CTNNA2: variants seen among roughly 807,000 people sequenced by gnomAD.
CTNNA2 encodes catenin alpha 2.
CTNNA2 carries 42 observed loss-of-function variants against 101.0 expected under a neutral mutation model. The ratio of observed to expected loss-of-function variants is 0.42; its 90% CI spans 0.32 to 0.54. The LOEUF is 0.54. Among genes scored for constraint, CTNNA2 ranks in the 20% least tolerant of loss-of-function variants. The probability of loss-of-function intolerance (pLI) is 0.14; values close to 1 mark genes in which losing one functional copy is unlikely to be tolerated. For missense variants in CTNNA2, 871 were observed against 1,223.1 expected (o/e 0.71, Z 4.29); for synonymous variants, 450 against 456.4 (o/e 0.99, Z 0.18).
intron 18 of CTNNA2, among the ~76,000 whole-genome samples, chr2:80,624,561 G>A (rs1671478209): frequency 6.6e-6 from 1 of 151,962 alleles, no homozygotes; most frequent in South Asian, 2.1e-4. Context: ...GTGAGTCTTA[G>A]TTCACAGCAA....
intron 9 of CTNNA2, among the ~76,000 whole-genome samples, chr2:80,482,751 T>A (rs1414503601): frequency 6.6e-6 from 1 of 152,176 alleles, no homozygotes; most frequent in Non-Finnish European, 1.5e-5. Context: ...ATCAGGAGAT[T>A]TTTTACATAC....
chr2:79,545,955 T>G (rs1673705937), intron 1 of CTNNA2, among the ~76,000 whole-genome samples: 2 of 152,168 alleles, frequency 1.3e-5, no homozygotes, highest in South Asian at 4.1e-4. Flanking sequence ...AGTACTACTA[T>G]TATCTCAGTT....
At chr2:79,710,541 G>A (rs1183632873) in intron 2 of CTNNA2, among the ~76,000 whole-genome samples, 1 of 152,148 alleles carries the variant, frequency 6.6e-6, no homozygotes, top group East Asian at 1.9e-4. Flanking sequence ...TGTTTCGAGT[G>A]GTGGGAGACA....
chr2:80,458,709 C>T (rs1356286753), intron 9 of CTNNA2, among the ~76,000 whole-genome samples: 2 of 152,184 alleles, frequency 1.3e-5, no homozygotes, highest in Non-Finnish European at 2.9e-5. Context: ...TTCAACCACA[C>T]ACCAAAAGCT....
chr2:80,324,534 A>G (rs1308975324), intron 7 of CTNNA2, among the ~76,000 whole-genome samples: 1 of 152,236 alleles, frequency 6.6e-6, no homozygotes, highest in Admixed American at 6.5e-5. Flanking sequence ...TTCATGTAAA[A>G]AGGTTTGGAG....
intron 1 of CTNNA2, among the ~76,000 whole-genome samples, chr2:79,560,272 T>C (rs1262129258): frequency 6.6e-6 from 1 of 151,268 alleles, no homozygotes; most frequent in Non-Finnish European, 1.5e-5. Context: ...GAAATGGAGA[T>C]GGAAAAAGAT....
At chr2:80,319,218 C>A (rs1678440851) in intron 7 of CTNNA2, among the ~76,000 whole-genome samples, 1 of 152,150 alleles carries the variant, frequency 6.6e-6, no homozygotes, top group Non-Finnish European at 1.5e-5. Flanking sequence ...AATTTAAATT[C>A]ATCAACTACT....
At chr2:79,380,172 C>T (rs1678023524) in intron 4 of CTNNA2, among the ~76,000 whole-genome samples, 1 of 152,032 alleles carries the variant, frequency 6.6e-6, no homozygotes, top group South Asian at 2.1e-4. Flanking sequence ...GCCTCCCAGG[C>T]ACTTGTGCCT....
chr2:80,398,031 A>C (rs1253859603), intron 8 of CTNNA2, among the ~76,000 whole-genome samples: 1 of 152,174 alleles, frequency 6.6e-6, no homozygotes, highest in African/African-American at 2.4e-5. Context: ...GAAAGAAAAA[A>C]CACAACTATA....
chr2:79,844,572 T>C (rs190686904), intron 3 of CTNNA2, among the ~76,000 whole-genome samples: 1 of 152,288 alleles, frequency 6.6e-6, no homozygotes, highest in Non-Finnish European at 1.5e-5. Flanking sequence ...CGTTTATTAC[T>C]GTACATCTCC....
At chr2:80,309,862 C>A (rs1677381078) in intron 7 of CTNNA2, among the ~76,000 whole-genome samples, 1 of 135,724 alleles carries the variant, frequency 7.4e-6, no homozygotes, top group African/African-American at 2.8e-5. Context: ...ACCCAGCTAC[C>A]ACATCTCAAA....
At chr2:79,873,242 T>G (rs1682724193) in intron 5 of CTNNA2, among the ~76,000 whole-genome samples, 1 of 151,982 alleles carries the variant, frequency 6.6e-6, no homozygotes, top group South Asian at 2.1e-4. Context: ...TTCTGTCTGT[T>G]CATAACTAAC....
chr2:80,286,508 T>G (rs1022611177), intron 7 of CTNNA2, among the ~76,000 whole-genome samples: 2 of 152,196 alleles, frequency 1.3e-5, no homozygotes, highest in African/African-American at 4.8e-5. Context: ...AAGTAGCTAC[T>G]TATAAAATAT....
At chr2:80,563,558 G>T (rs1246001973) in intron 12 of CTNNA2, among the ~76,000 whole-genome samples, 1 of 152,126 alleles carries the variant, frequency 6.6e-6, no homozygotes, top group East Asian at 1.9e-4. Context: ...AATTTGTTTT[G>T]TAGAGACAGG....
At chr2:79,227,179 G>A (rs757086524) in intron 2 of CTNNA2, among the ~76,000 whole-genome samples, 1 of 152,094 alleles carries the variant, frequency 6.6e-6, no homozygotes, top group Non-Finnish European at 1.5e-5. Context: ...TCTTGACAGG[G>A]ATTGGAAAAA....
intron 9 of CTNNA2, among the ~76,000 whole-genome samples, chr2:80,471,474 G>A (rs1272660028): frequency 6.6e-6 from 1 of 152,192 alleles, no homozygotes; most frequent in Non-Finnish European, 1.5e-5. Flanking sequence ...CAAAGGTAAA[G>A]GAGGCACAGT....
At chr2:79,845,895 A>G (rs1680195199) in intron 3 of CTNNA2, among the ~76,000 whole-genome samples, 1 of 152,216 alleles carries the variant, frequency 6.6e-6, no homozygotes, top group Non-Finnish European at 1.5e-5. Flanking sequence ...AGGAAATAGA[A>G]TGGTGGTGAC....
intron 2 of CTNNA2, among the ~76,000 whole-genome samples, chr2:79,302,729 A>G (rs955411525): frequency 6.6e-6 from 1 of 152,166 alleles, no homozygotes; most frequent in Non-Finnish European, 1.5e-5. Context: ...TTGAGTGTCT[A>G]TTCGGCACCA....
intron 15 of CTNNA2, among the ~76,000 whole-genome samples, chr2:80,592,517 C>T (rs904539822): frequency 1.3e-5 from 2 of 152,140 alleles, no homozygotes; most frequent in African/African-American, 4.8e-5. Flanking sequence ...TGGAATAGTT[C>T]AACTTGTGAT....
Sources: gnomAD v4.1 joint callset for allele counts (sites outside exome capture counted in the v4.1 genomes callset) on GRCh38, gnomAD v4.1.1 for gene constraint, MANE v1.5 for transcripts, NCBI Gene and HGNC (gene_info 2026-07-23, HGNC 2026-07-21) for gene names.